CCDC178: variants seen among roughly 807,000 people sequenced by gnomAD.
The protein encoded by CCDC178 is coiled-coil domain-containing protein 178.
In CCDC178, 126 loss-of-function variants were observed where a neutral mutation model predicts 117.4. The observed-to-expected ratio is 1.07, with a 90% CI of 0.93 to 1.24. The LOEUF (loss-of-function observed/expected upper bound fraction) is 1.24. Among genes scored for constraint, CCDC178 ranks in the 50% most tolerant of loss-of-function variants. CCDC178 has a pLI of 0.00. For missense variants in CCDC178, 1,030 were observed against 986.9 expected (o/e 1.04, Z -0.59); for synonymous variants, 283 against 313.4 (o/e 0.90, Z 1.02).
In CCDC178 at chr18:33,346,239, A is replaced by T; in HGVS notation, c.630T>A (p.Leu210=). 6.2e-7 allele frequency: 1 copy of T among 1,613,654 alleles called. No homozygotes were observed. The highest frequency in any genetic ancestry group is 8.5e-7 in the Non-Finnish European group (1 of 1,179,716). Residue 210 remains leucine (L), a synonymous_variant, in exon 9 of 23, where the codon CTT becomes CTA. Transcript: ENST00000383096. ...TCTGCACAGCCAATGGGAGTTCTTG[A>T]AGTTTCCAGACTGACCAAGAGTCAA... ...MKIDSWSVWK[L]QELPLAVQKE...
chr18:33,095,392 T>A (rs557552982), intron 20 of CCDC178, among the ~76,000 whole-genome samples: 1 of 152,056 alleles, frequency 6.6e-6, no homozygotes, highest in East Asian at 1.9e-4. Context: ...TTCTTTATTA[T>A]CACAAATTTT....
intron 7 of CCDC178, among the ~76,000 whole-genome samples, chr18:33,351,341 C>A (rs539096817): frequency 2.6e-5 from 4 of 151,974 alleles, no homozygotes; most frequent in East Asian, 1.9e-4. Flanking sequence ...TACAGGCGCC[C>A]GCCATCACAC....
In CCDC178 at chr18:33,313,076, A is replaced by T. The variant is rs117922702; in HGVS notation, c.1022+10415T>A. Among the ~76,000 whole-genome samples, 872 of 152,292 alleles carry T rather than the reference A, an allele frequency of 5.7e-3. 2 individuals are homozygous for T. The highest frequency in any genetic ancestry group is 0.011 in the Non-Finnish European group (740 of 68,018). On this transcript the variant is annotated intron_variant, in intron 11 of 22. Coordinates refer to ENST00000383096, the MANE Select transcript of CCDC178 (RefSeq NM_001105528.4). ...GTGCTCTTCCACTGGGATGCGCTTC[A>T]CCAAAGGCAGAGCTTGTTGCTCTAG...
At chr18:33,066,326 A>C (rs949163003) in intron 21 of CCDC178, among the ~76,000 whole-genome samples, 8 of 152,186 alleles carry the variant, frequency 5.3e-5, no homozygotes, top group African/African-American at 1.9e-4. Context: ...TATAAAACTC[A>C]CTACCACAGT....
intron 22 of CCDC178, chr18:32,956,782 A>G (rs951726587): frequency 6.6e-6 from 1 of 152,212 alleles, no homozygotes; most frequent in Non-Finnish European, 1.5e-5. Context: ...TCTTCACAAA[A>G]TGACTACAGA....
chr18:33,364,845 T>A lies in CCDC178; in HGVS notation c.348+5205A>T, dbSNP rs999540614. 2.0e-5 allele frequency among the ~76,000 whole-genome samples: 3 copies of A among 150,982 alleles called. No individual in the cohort carries two copies. The South Asian group carries it at 6.3e-4, about 32-fold the overall frequency. ...CACAGACTACTAGAAAAATTTCAATTGACAAACAATAATTTCAGAGCACTA... is the reference window on the plus strand; with the variant it reads ...CACAGACTACTAGAAAAATTTCAATAGACAAACAATAATTTCAGAGCACTA... On this transcript the variant is annotated intron_variant, in intron 6 of 22. Transcript: ENST00000383096.
intron 21 of CCDC178, among the ~76,000 whole-genome samples, chr18:32,989,870 T>C (rs919907244): frequency 7.2e-5 from 11 of 152,134 alleles, no homozygotes; most frequent in Non-Finnish European, 1.2e-4. Flanking sequence ...CTGCCATTGA[T>C]TATTCATATA....
chr18:33,301,201 C>A lies in CCDC178; in HGVS notation c.1023-7889G>T, dbSNP rs557270431. Among the ~76,000 whole-genome samples the A allele has an allele frequency of 2.6e-5, 4 of 152,324 alleles. No individual in the cohort carries two copies. The South Asian group carries it at 8.3e-4, about 32-fold the overall frequency. On this transcript the variant is annotated intron_variant, in intron 11 of 22. Transcript: ENST00000383096. ...ACTCTGGAGGGTACAAGCCATAAGC[C>A]TTGGTGGCTTCCACCATGGTGTTAA...
intron 2 of CCDC178, among the ~76,000 whole-genome samples, chr18:33,436,622 G>C (rs2064294774): frequency 6.6e-6 from 1 of 152,288 alleles, no homozygotes; most frequent in South Asian, 2.1e-4. Context: ...AAAGATAAAT[G>C]ATGTTTTGTA....
chr18:33,325,670 A>G (rs554863103), intron 10 of CCDC178, among the ~76,000 whole-genome samples: 20 of 152,210 alleles, frequency 1.3e-4, no homozygotes, highest in African/African-American at 4.8e-4. Context: ...TTGATATTTT[A>G]TTTTTGAGTT....
intron 22 of CCDC178, chr18:32,938,308 T>C: frequency 2.1e-6 from 1 of 480,718 alleles, no homozygotes; most frequent in Non-Finnish European, 3.7e-6. Context: ...TCCAACTAAC[T>C]TTAAGGTAGA....
At chr18:33,352,954 T>G (rs972445049) in intron 7 of CCDC178, among the ~76,000 whole-genome samples, 3 of 152,098 alleles carry the variant, frequency 2.0e-5, no homozygotes, top group Non-Finnish European at 2.9e-5. Flanking sequence ...TCAAGTCTAT[T>G]TATTTATTGA....
Position 33,074,625 on chromosome 18 carries a change from G to C in CCDC178, c.2388+18136C>G, listed in dbSNP as rs550064573. Among the ~76,000 whole-genome samples, 112 of 152,174 alleles carry C rather than the reference G, an allele frequency of 7.4e-4. 1 individual carries two copies. Among genetic ancestry groups the C allele is most frequent in the Non-Finnish European group, 1.3e-3 (88 of 68,030 alleles). ...CAAGAGATATTCTGTCTAGTGTCCA[G>C]TGAGGTGGGAGGAAAATAGGAAGTC... On this transcript the variant is annotated intron_variant, in intron 21 of 22. Transcript: ENST00000383096.
intron 3 of CCDC178, among the ~76,000 whole-genome samples, chr18:33,398,416 T>C (rs139426294): frequency 7.8e-4 from 118 of 152,240 alleles, no homozygotes; most frequent in African/African-American, 2.6e-3. Flanking sequence ...AATTTACAAA[T>C]ATAAAATTGA....
At chr18:33,106,876 T>A (rs2057713525) in intron 20 of CCDC178, among the ~76,000 whole-genome samples, 1 of 151,694 alleles carries the variant, frequency 6.6e-6, no homozygotes, top group South Asian at 2.1e-4. Context: ...TAACTGTCTT[T>A]GAAGATTAAA....
intron 21 of CCDC178, among the ~76,000 whole-genome samples, chr18:32,992,180 G>T (rs1424692878): frequency 1.3e-5 from 2 of 152,028 alleles, no homozygotes; most frequent in Non-Finnish European, 2.9e-5. Flanking sequence ...TTCATTTTCT[G>T]TAAATGAGCT....
At chr18:33,311,511 T>C (rs976381276) in intron 11 of CCDC178, among the ~76,000 whole-genome samples, 3 of 152,206 alleles carry the variant, frequency 2.0e-5, no homozygotes, top group East Asian at 3.8e-4. Flanking sequence ...CCAGTGAGTG[T>C]CCCTCAGTCC....
chr18:32,940,608 T>C (rs1235469901), intron 22 of CCDC178, among the ~76,000 whole-genome samples: 1 of 152,068 alleles, frequency 6.6e-6, no homozygotes, highest in African/African-American at 2.4e-5. Context: ...GTTGTACAGA[T>C]TATTTAGTTA....
At chr18:33,440,734 C>G (rs1453848475), upstream of CCDC178, 4 of 153,526 alleles carry the variant, frequency 2.6e-5, no homozygotes, top group African/African-American at 9.7e-5. Context: ...GGCCCCAAGT[C>G]GGTTATCCCG....
Sources: allele counts gnomAD v4.1 joint callset (sites outside exome capture counted in the v4.1 genomes callset), GRCh38; gene constraint gnomAD v4.1.1; transcripts MANE v1.5; gene names NCBI Gene and HGNC (gene_info 2026-07-23, HGNC 2026-07-21).